POLA1: variants seen among roughly 807,000 people sequenced by gnomAD.
The protein encoded by POLA1 is DNA polymerase alpha 1, catalytic subunit, also known as DNA polymerase alpha catalytic subunit.
Under a neutral mutation model 124.0 loss-of-function variants are expected in POLA1, and 15 were observed. The observed-to-expected ratio is 0.12, with a 90% CI of 0.08 to 0.19. The LOEUF (loss-of-function observed/expected upper bound fraction) is 0.19. Ranked by LOEUF, POLA1 falls within the 10% of genes least tolerant of loss-of-function variation. The probability of loss-of-function intolerance (pLI) is 1.00; values close to 1 mark genes in which losing one functional copy is unlikely to be tolerated. For missense variants in POLA1, 886 were observed against 1,103.4 expected (o/e 0.80, Z 2.79); for synonymous variants, 408 against 389.4 (o/e 1.05, Z -0.56).
chrX:24,972,137 T>A (rs1052988372), intron 36 of POLA1, among the ~76,000 whole-genome samples: 14 of 109,420 alleles, frequency 1.3e-4, no homozygotes, highest in African/African-American at 4.7e-4. Flanking sequence ...CCCGGCTAAG[T>A]TTTTTGTATT....
intron 30 of POLA1, 63 bp from the exon 31 acceptor site, chrX:24,821,389 G>A: frequency 1.1e-6 from 1 of 909,699 alleles, no homozygotes; most frequent in Non-Finnish European, 1.5e-6. Flanking sequence ...GATGTTTTTA[G>A]TGTATATCTG....
intron 23 of POLA1, 61 bp downstream of exon 23, chrX:24,743,390 A>G: frequency 1.8e-6 from 1 of 571,063 alleles, no homozygotes; most frequent in East Asian, 3.5e-5. Flanking sequence ...ATGTGGATCT[A>G]GGCTTGAGAA....
rs772350243 is a variant in POLA1 at position 24,821,562 on chromosome X, T to G, written c.3540T>G (p.Thr1180=). 1.1e-5 allele frequency: 13 copies of G among 1,197,414 alleles called. No individual in the cohort carries two copies. The highest frequency in any genetic ancestry group is 1.8e-5 in the African/African-American group (1 of 56,974). ...GCAGAAAGGTGAAAGCTGGAGATAC[T>G]GTGTCATATGTCATCTGTCAGGTAA... ...QGGRKVKAGD[T]VSYVICQDGS... Residue 1180 remains threonine (T), a synonymous_variant, in exon 31 of 37, where the codon ACT becomes ACG. Coordinates refer to ENST00000379068, the MANE Select transcript of POLA1 (RefSeq NM_001330360.2).
intron 14 of POLA1, 116 bp downstream of exon 14, chrX:24,727,187 G>T: frequency 1.6e-6 from 1 of 619,235 alleles, no homozygotes; most frequent in Admixed American, 3.8e-5. Flanking sequence ...TTTTCTGTTT[G>T]TTTCTTCAGT....
At chrX:24,819,193 TAG>T (rs1203154990) in intron 30 of POLA1, among the ~76,000 whole-genome samples, 1 of 112,434 alleles carries the variant, frequency 8.9e-6, no homozygotes, top group Non-Finnish European at 1.9e-5. Flanking sequence ...TACTCCAAAA[TAG>T]ACACATTCAT....
chrX:24,786,884 C>T (rs1394692787), intron 26 of POLA1, among the ~76,000 whole-genome samples: 1 of 106,650 alleles, frequency 9.4e-6, no homozygotes, highest in Non-Finnish European at 1.9e-5. Context: ...TGGGGTTTTG[C>T]CATGTTGCTC....
rs979947886 is a variant in POLA1, at chrX:24,810,136, G to A, written c.2997+206G>A. ...GCCCCTGCTTGAAGCCTATATGTGA[G>A]TGTTTCAAACAAATTAGTAACAGTG... On this transcript the variant is annotated intron_variant, in intron 27 of 36. Coordinates refer to ENST00000379068, the MANE Select transcript of POLA1 (RefSeq NM_001330360.2). 3.6e-5 allele frequency among the ~76,000 whole-genome samples: 4 copies of A among 111,479 alleles called. No individual in the cohort carries two copies. The Admixed American group carries it at 3.8e-4, about 11-fold the overall frequency.
At chrX:24,767,499 A>G (rs1453066662) in intron 26 of POLA1, among the ~76,000 whole-genome samples, 1 of 112,234 alleles carries the variant, frequency 8.9e-6, no homozygotes, top group Non-Finnish European at 1.9e-5. Flanking sequence ...TATATTAAGC[A>G]TATGATCCTG....
chrX:24,952,607 A>G (rs995592056), intron 36 of POLA1, among the ~76,000 whole-genome samples: 1 of 112,624 alleles, frequency 8.9e-6, no homozygotes, highest in African/African-American at 3.2e-5. Flanking sequence ...TTGTTATGAC[A>G]TGGCTCAGCT....
At position 24,843,670 on chromosome X, in the gene POLA1, A is replaced by G. The variant is rs776204639; in HGVS notation, c.4040A>G (p.Tyr1347Cys). The G allele has an allele frequency of 3.5e-6, 4 of 1,155,365 alleles. No individual in the cohort carries two copies. Among genetic ancestry groups the G allele is most frequent in the Non-Finnish European group, 1.2e-6 (1 of 853,420 alleles). Residue 1347 changes from tyrosine (Y) to cysteine (C), a missense_variant, in exon 34 of 37, where the codon TAC (tyrosine) becomes TGC (cysteine). Physicochemically the swap from Tyr to Cys is radical, Grantham distance 194 (BLOSUM62 -2). Transcript: ENST00000379068. ...GACATTAGACGTTTCATTAAAAAGT[A>G]CTATGATGTAAGTATCCATAATGAT... ...IMDIRRFIKK[Y>C]YDGWLICEEP...
intron 34 of POLA1, among the ~76,000 whole-genome samples, chrX:24,850,850 C>T (rs905122614): frequency 2.7e-5 from 3 of 112,239 alleles, no homozygotes. Context: ...TATCACTGTT[C>T]CAATCTGAGA....
At chrX:24,774,145 G>C (rs1335514620) in intron 26 of POLA1, among the ~76,000 whole-genome samples, 1 of 111,584 alleles carries the variant, frequency 9.0e-6, no homozygotes, top group Admixed American at 9.5e-5. Context: ...CACATATCAT[G>C]CAATAAGGCC....
intron 35 of POLA1, among the ~76,000 whole-genome samples, chrX:24,888,649 C>T (rs1436319903): frequency 8.6e-5 from 8 of 93,234 alleles, no homozygotes; most frequent in African/African-American, 3.5e-4. Flanking sequence ...GCTCTGTTGC[C>T]AGGCTGGAGT....
intron 8 of POLA1, 126 bp from the exon 9 acceptor site, chrX:24,717,164 A>C: frequency 1.7e-6 from 1 of 590,561 alleles, no homozygotes. Context: ...AAATGCAAAC[A>C]TAGTATAGAA....
chrX:24,735,390 A>G lies in POLA1; in HGVS notation c.1834-9A>G, dbSNP rs753632687. 8.7e-7 allele frequency: 1 copy of G among 1,155,693 alleles called. No homozygotes were observed. The highest frequency in any genetic ancestry group is 1.2e-6 in the Non-Finnish European group (1 of 844,498). Reference sequence around the variant, plus strand: ...AGTCGTCAGTGACTGGTGTGTTTTTATCTAACAGAATGTGAAGGTTGAGGT... The same window carrying G: ...AGTCGTCAGTGACTGGTGTGTTTTTGTCTAACAGAATGTGAAGGTTGAGGT... On this transcript the variant is annotated splice_polypyrimidine_tract_variant and intron_variant, in intron 17 of 36. Transcript: ENST00000379068.
chrX:24,786,299 G>A (rs1017806389), intron 26 of POLA1, among the ~76,000 whole-genome samples: 1 of 111,575 alleles, frequency 9.0e-6, no homozygotes, highest in Non-Finnish European at 1.9e-5. Context: ...TAGTGTACAA[G>A]GGTTCTTTTT....
intron 29 of POLA1, 27 bp from the exon 30 acceptor site, chrX:24,814,952 G>GTTTTTTTTTTTTTTTTT: frequency 2.3e-6 from 2 of 867,770 alleles, no homozygotes; most frequent in East Asian, 3.9e-5. Flanking sequence ...TGCTGTCTTT[G>GTTTTTTTTTTTTTTTTT]TTTTGTTTTT....
intron 35 of POLA1, among the ~76,000 whole-genome samples, chrX:24,900,541 G>A (rs1172100071): frequency 8.9e-6 from 1 of 112,307 alleles, no homozygotes; most frequent in African/African-American, 3.2e-5. Context: ...CTTTGTGAAA[G>A]TGACACTGTG....
In POLA1 at chrX:24,901,796, G is replaced by C. The variant is rs962803795; in HGVS notation, c.4164+13674G>C. ...ATGGAGGAGAGATTCCTTCTTACAG[G>C]CTACTGATTCTCAATTGAATTCTAA... is the stretch of plus-strand genomic sequence containing the variant. On this transcript the variant is annotated intron_variant, in intron 35 of 36. Coordinates refer to ENST00000379068, the MANE Select transcript of POLA1 (RefSeq NM_001330360.2). Among the ~76,000 whole-genome samples, 4 of 111,348 alleles carry C rather than the reference G, an allele frequency of 3.6e-5. No individual in the cohort carries two copies. The East Asian group carries it at 1.1e-3, about 31-fold the overall frequency.
Sources: allele counts gnomAD v4.1 joint callset (sites outside exome capture counted in the v4.1 genomes callset), GRCh38; gene constraint gnomAD v4.1.1; transcripts MANE v1.5; gene names NCBI Gene and HGNC (gene_info 2026-07-23, HGNC 2026-07-21).